The following FCHSD2 variants were observed in gnomAD, a reference collection of about 807,000 sequenced individuals.
The protein encoded by FCHSD2 is F-BAR and double SH3 domains protein 2.
In FCHSD2, 38 loss-of-function variants were observed where a neutral mutation model predicts 108.1. The ratio of observed to expected loss-of-function variants is 0.35; its 90% CI spans 0.27 to 0.46. The LOEUF is 0.46. Among genes scored for constraint, FCHSD2 ranks in the 20% least tolerant of loss-of-function variants. The pLI is 1.00. For synonymous variants in FCHSD2, 279 were observed against 314.7 expected, an observed-to-expected ratio of 0.89 and a Z score of 1.20; for missense variants, 751 against 897.8, an observed-to-expected ratio of 0.84 and a Z score of 2.09.
chr11:73,081,392 C>T (rs747138187), intron 3 of FCHSD2, among the ~76,000 whole-genome samples: 1 of 151,902 alleles, frequency 6.6e-6, no homozygotes, highest in Non-Finnish European at 1.5e-5. Context: ...CAAGATGGCG[C>T]CACTGGACTC....
At chr11:73,048,123 A>G (rs934776211) in intron 3 of FCHSD2, among the ~76,000 whole-genome samples, 5 of 152,288 alleles carry the variant, frequency 3.3e-5, no homozygotes, top group African/African-American at 1.2e-4. Context: ...TAATAGAAAA[A>G]CTTGACAATG....
intron 3 of FCHSD2, among the ~76,000 whole-genome samples, chr11:73,039,967 G>C (rs1858595080): frequency 1.3e-5 from 2 of 152,080 alleles, no homozygotes; most frequent in Admixed American, 6.6e-5. Context: ...AAGATGATAT[G>C]GAAATACATA....
rs762347999 is a variant in FCHSD2 at position 72,841,448 on chromosome 11, C to G, written c.2056+6G>C. On this transcript the variant is annotated splice_donor_region_variant and intron_variant, in intron 18 of 19. Coordinates refer to ENST00000409418, the MANE Select transcript of FCHSD2 (RefSeq NM_014824.3). ...CATTTAGACCCATGCCCAGGAGAAC[C>G]CTTACCGTTTGCTGAAGGAGACCGG... 16 of 1,610,542 alleles carry G rather than the reference C, an allele frequency of 9.9e-6. No individual in the cohort carries two copies. Among genetic ancestry groups the G allele is most frequent in the Middle Eastern group, 1.7e-4 (1 of 6,050 alleles).
chr11:72,945,257 T>C (rs1856497271), intron 8 of FCHSD2, among the ~76,000 whole-genome samples: 1 of 152,094 alleles, frequency 6.6e-6, no homozygotes, highest in South Asian at 2.1e-4. Flanking sequence ...TATCTACAAC[T>C]ATCTGATCTT....
At chr11:72,938,662 G>A (rs1178291035) in intron 8 of FCHSD2, among the ~76,000 whole-genome samples, 1 of 151,578 alleles carries the variant, frequency 6.6e-6, no homozygotes, top group Non-Finnish European at 1.5e-5. Context: ...TTTGTCTGGA[G>A]AGGGTCAATT....
chr11:72,885,806 T>C (rs930822008), intron 12 of FCHSD2, among the ~76,000 whole-genome samples: 9 of 152,140 alleles, frequency 5.9e-5, no homozygotes, highest in African/African-American at 2.2e-4. Flanking sequence ...CACCCTAAGA[T>C]AGTGGTTTAG....
chr11:72,885,301 G>A (rs760327552), intron 12 of FCHSD2, among the ~76,000 whole-genome samples: 19 of 152,172 alleles, frequency 1.2e-4, no homozygotes, highest in Non-Finnish European at 2.6e-4. Context: ...CTGAGAAAAC[G>A]GATCTGCTAC....
chr11:72,940,613 C>T, intron 8 of FCHSD2: 1 of 1,443,490 alleles, frequency 6.9e-7, no homozygotes, highest in Non-Finnish European at 9.7e-7. Flanking sequence ...CTCCACAGGG[C>T]TCCCCGCCCC....
chr11:73,088,986 C>G lies in FCHSD2; in HGVS notation c.120-5246G>C, dbSNP rs182512810. ...GCTTTTGTACCCTTGATGTGCATATCAACTAATTTAAATATTCTCAGTGGC... is the reference window on the plus strand; with the variant it reads ...GCTTTTGTACCCTTGATGTGCATATGAACTAATTTAAATATTCTCAGTGGC... On this transcript the variant is annotated intron_variant, in intron 2 of 19. Transcript: ENST00000409418. Among the ~76,000 whole-genome samples the G allele has an allele frequency of 5.5e-4, 83 of 152,242 alleles. 8 individuals are homozygous for G. The highest frequency in any genetic ancestry group is 5.4e-3 in the East Asian group (28 of 5,192).
chr11:72,843,522 G>T lies in FCHSD2; in HGVS notation c.1454C>A (p.Pro485Gln). 2 of 1,612,722 alleles carry T rather than the reference G, an allele frequency of 1.2e-6. No homozygotes were observed. Among genetic ancestry groups the T allele is most frequent in the Non-Finnish European group, 1.7e-6 (2 of 1,178,756 alleles). The change falls in exon 15 of 20, where the codon CCA becomes CAA. Residue 485 changes from proline to glutamine, a missense_variant. Transcript: ENST00000409418. ...ATGTTCCTCAATGGTCAACTCATCT[G>T]GTTGAGAAGCCTGCAGTGTAGGATG... is the stretch of plus-strand genomic sequence containing the variant. ...KVVYSYKASQ[P>Q]DELTIEEHEV...
chr11:73,136,329 G>T (rs1297633994), intron 2 of FCHSD2, among the ~76,000 whole-genome samples: 1 of 152,054 alleles, frequency 6.6e-6, no homozygotes, highest in Non-Finnish European at 1.5e-5. Flanking sequence ...ACAGTGGCCT[G>T]ACGGTAGGAC....
intron 13 of FCHSD2, among the ~76,000 whole-genome samples, chr11:72,852,559 G>C (rs1028540434): frequency 9.9e-5 from 15 of 152,076 alleles, no homozygotes; most frequent in Admixed American, 5.2e-4. Flanking sequence ...AGCTATTCAG[G>C]AGGCTGAGGC....
At chr11:73,041,404 CTTTT>C (rs1858634483) in intron 3 of FCHSD2, among the ~76,000 whole-genome samples, 2 of 152,100 alleles carry the variant, frequency 1.3e-5, no homozygotes, top group Admixed American at 1.3e-4. Flanking sequence ...TGTTGTTGTT[CTTTT>C]TAATAATCAC....
intron 9 of FCHSD2, among the ~76,000 whole-genome samples, chr11:72,916,988 T>C (rs1333278554): frequency 3.8e-5 from 1 of 26,644 alleles, no homozygotes; most frequent in Non-Finnish European, 9.2e-5. Flanking sequence ...TTTTTTTTTT[T>C]TTTTTTTTTT....
chr11:73,141,993 C>T lies in FCHSD2; in HGVS notation c.-116G>A, dbSNP rs540504509. The T allele has an allele frequency of 7.0e-5, 74 of 1,055,622 alleles. No individual in the cohort carries two copies. In the African/African-American group the frequency reaches 1.1e-3, roughly 15 times the overall value. 65.4% of individuals were successfully genotyped at this position (1,055,622 alleles called of 1,614,324 possible). On this transcript the variant is annotated 5_prime_UTR_variant, in exon 1 of 20. Coordinates refer to ENST00000409418, the MANE Select transcript of FCHSD2 (RefSeq NM_014824.3). ...AGCGCGCGCGTGTGTGAAAGGAGCG[C>T]TTAAGAAGCAAGACTTGCCCCGGAG...
chr11:72,917,658 G>A (rs906408401), intron 9 of FCHSD2, among the ~76,000 whole-genome samples: 8 of 152,220 alleles, frequency 5.3e-5, no homozygotes, highest in Non-Finnish European at 1.0e-4. Flanking sequence ...GGCCAAGGCA[G>A]GCGGATCACT....
At chr11:72,959,529 C>A (rs1272140374) in intron 8 of FCHSD2, among the ~76,000 whole-genome samples, 2 of 152,022 alleles carry the variant, frequency 1.3e-5, no homozygotes, top group African/African-American at 4.8e-5. Flanking sequence ...GCCACCACGC[C>A]TGGCCCCACA....
chr11:73,129,190 T>C (rs1860932168), intron 2 of FCHSD2, among the ~76,000 whole-genome samples: 1 of 152,168 alleles, frequency 6.6e-6, no homozygotes, highest in Admixed American at 6.6e-5. Context: ...AATTTCTAAA[T>C]TGATGTTCTC....
At chr11:73,007,143 C>T (rs986340734) in intron 4 of FCHSD2, among the ~76,000 whole-genome samples, 12 of 152,082 alleles carry the variant, frequency 7.9e-5, no homozygotes, top group Non-Finnish European at 7.4e-5. Context: ...ATGTATCTTA[C>T]GATTTTATAT....
Sources: gnomAD v4.1 joint callset for allele counts (sites outside exome capture counted in the v4.1 genomes callset) on GRCh38, gnomAD v4.1.1 for gene constraint, MANE v1.5 for transcripts, NCBI Gene and HGNC (gene_info 2026-07-23, HGNC 2026-07-21) for gene names.